Variants in INKA2 observed in about 807,000 individuals in gnomAD.
INKA2 encodes PAK4-inhibitor INKA2.
Under a neutral mutation model 9.8 loss-of-function variants are expected in INKA2, and 3 were observed. That is an observed-to-expected ratio of 0.31 (90% CI 0.14 to 0.79). The LOEUF is 0.79. INKA2 is among the 30% of genes least tolerant of loss of function. INKA2 has a pLI of 0.62. For missense variants in INKA2, 392 were observed against 384.4 expected (o/e 1.02, Z -0.17); for synonymous variants, 147 against 143.3 (o/e 1.03, Z -0.18).
chr1:111,755,480 GTTGGGGAA>G, intron 1 of INKA2: 1 of 576,114 alleles, frequency 1.7e-6, no homozygotes, highest in East Asian at 3.1e-5. Context: ...AGCGGGTAGC[GTTGGGGAA>G]GAGGTGGCCG....
intron 1 of INKA2, among the ~76,000 whole-genome samples, chr1:111,730,693 G>A (rs1171383422): frequency 6.6e-6 from 1 of 152,102 alleles, no homozygotes; most frequent in Non-Finnish European, 1.5e-5. Flanking sequence ...CTGTAGTCCT[G>A]CCACTTATGC....
At chr1:111,749,217 T>C (rs944988332) in intron 1 of INKA2, among the ~76,000 whole-genome samples, 1 of 152,128 alleles carries the variant, frequency 6.6e-6, no homozygotes, top group Admixed American at 6.5e-5. Flanking sequence ...ACCACGAGCA[T>C]TTATTTCCAG....
upstream of INKA2, among the ~76,000 whole-genome samples, chr1:111,743,505 G>T (rs1663190140): frequency 6.6e-6 from 1 of 152,164 alleles, no homozygotes; most frequent in Admixed American, 6.5e-5. Flanking sequence ...CTATCAATGA[G>T]CTCAAATGAA....
At chr1:111,738,134 C>A (rs908222976) in intron 1 of INKA2, among the ~76,000 whole-genome samples, 20 of 152,046 alleles carry the variant, frequency 1.3e-4, no homozygotes, top group Non-Finnish European at 8.8e-5. Flanking sequence ...TGAGAAGAGT[C>A]GACTCCAAGA....
chr1:111,734,124 G>A (rs938563714), intron 1 of INKA2, among the ~76,000 whole-genome samples: 6 of 152,222 alleles, frequency 3.9e-5, no homozygotes, highest in South Asian at 2.1e-4. Flanking sequence ...AAGGTAAAGC[G>A]GAAACTGTGC....
rs1663086307 is a variant in INKA2, at chr1:111,739,304, G to C, written c.-62C>G. On this transcript the variant is annotated 5_prime_UTR_variant, in exon 1 of 2. Coordinates refer to ENST00000357260, the MANE Select transcript of INKA2 (RefSeq NM_019099.5). ...CCCGGGTGAAACCCCGGCCCCACTG[G>C]AAACTGCGCTCCGGGCCGGCTCCCC... is the stretch of plus-strand genomic sequence containing the variant. The C allele has an allele frequency of 6.2e-7, 1 of 1,605,830 alleles. No individual in the cohort carries two copies.
At chr1:111,727,942 G>T in intron 1 of INKA2, 138 bp from the exon 2 acceptor site, 1 of 783,654 alleles carries the variant, frequency 1.3e-6, no homozygotes, top group African/African-American at 1.7e-5. Flanking sequence ...TCTCTCTATA[G>T]CCTAGTGCAG....
At chr1:111,742,970 G>C (rs1663178898), upstream of INKA2, among the ~76,000 whole-genome samples, 1 of 152,226 alleles carries the variant, frequency 6.6e-6, no homozygotes, top group South Asian at 2.1e-4. Flanking sequence ...TGCTGAAGAG[G>C]TAACTCTCAT....
chr1:111,726,894 C>A lies in INKA2; in HGVS notation c.*74G>T. Reference sequence around the variant, plus strand: ...GGGCTTTCGAGAGCCATACCGCCCACCCTCCCTCCTCCCCAGGGGCCCAGC... The same window carrying A: ...GGGCTTTCGAGAGCCATACCGCCCAACCTCCCTCCTCCCCAGGGGCCCAGC... On this transcript the variant is annotated 3_prime_UTR_variant, in exon 2 of 2. Transcript: ENST00000357260. 6.9e-7 allele frequency: 1 copy of A among 1,444,332 alleles called. No homozygotes were observed. Among genetic ancestry groups the A allele is most frequent in the Non-Finnish European group, 9.4e-7 (1 of 1,058,866 alleles). 89.5% of individuals were successfully genotyped at this position (1,444,332 alleles called of 1,614,324 possible).
At chr1:111,748,880 C>T (rs1296762327) in intron 1 of INKA2, among the ~76,000 whole-genome samples, 1 of 152,246 alleles carries the variant, frequency 6.6e-6, no homozygotes, top group African/African-American at 2.4e-5. Flanking sequence ...TTCCCTTTCA[C>T]TCCCTGGAGG....
rs191231825 is a variant in INKA2, at chr1:111,736,814, G to C, written c.57+2372C>G. Among the ~76,000 whole-genome samples the C allele has an allele frequency of 9.6e-4, 146 of 152,336 alleles. 2 individuals carry two copies. The highest frequency in any genetic ancestry group is 3.4e-3 in the African/African-American group (140 of 41,580). Reference sequence around the variant, plus strand: ...CAACACACTTCTATCCCAGCCACAAGCAAGCTGCACTGAATTCAGTCCCTA... The same window carrying C: ...CAACACACTTCTATCCCAGCCACAACCAAGCTGCACTGAATTCAGTCCCTA... On this transcript the variant is annotated intron_variant, in intron 1 of 1. Coordinates refer to ENST00000357260, the MANE Select transcript of INKA2 (RefSeq NM_019099.5).
chr1:111,743,322 CTCAGAAGGTACGTA>C (rs1192157878), upstream of INKA2, among the ~76,000 whole-genome samples: 2 of 152,302 alleles, frequency 1.3e-5, no homozygotes, highest in Middle Eastern at 3.4e-3. Flanking sequence ...GGGTGGAACC[CTCAGAAGGTACGTA>C]GCCATTTGCC....
At chr1:111,749,332 G>C (rs531876549) in intron 1 of INKA2, among the ~76,000 whole-genome samples, 85 of 152,296 alleles carry the variant, frequency 5.6e-4, no homozygotes, top group African/African-American at 2.0e-3. Context: ...TCTTGGTGTG[G>C]AAGCTGCAGT....
chr1:111,750,201 G>T lies in INKA2; in HGVS notation n.124+5500C>A, dbSNP rs543575732. 2.0e-5 allele frequency among the ~76,000 whole-genome samples: 3 copies of T among 152,334 alleles called. No individual in the cohort carries two copies. In the East Asian group the frequency reaches 5.8e-4, roughly 29 times the overall value. ...GAAGCCTGAGGGAGGATCACCTGGGGTTCTCTTCCAAAGCCAGTCAGGCAA... is the reference window on the plus strand; with the variant it reads ...GAAGCCTGAGGGAGGATCACCTGGGTTTCTCTTCCAAAGCCAGTCAGGCAA... On this transcript the variant is annotated intron_variant and non_coding_transcript_variant, in intron 1 of 1. Coordinates refer to the INKA2 transcript ENST00000444059.
chr1:111,725,892 C>A lies in INKA2; in HGVS notation c.*1076G>T. ...GGTTTACAGGCGTGTGCCACCACGC[C>A]TGGCTAATTTTTACGTATTTTTTTA... On this transcript the variant is annotated 3_prime_UTR_variant, in exon 2 of 2. Coordinates refer to ENST00000357260, the MANE Select transcript of INKA2 (RefSeq NM_019099.5). 1 of 351,200 alleles carries A rather than the reference C, an allele frequency of 2.8e-6. No individual in the cohort carries two copies. The highest frequency in any genetic ancestry group is 5.1e-6 in the Non-Finnish European group (1 of 196,542). 21.8% of individuals were successfully genotyped at this position (351,200 alleles called of 1,614,324 possible). A position where few individuals can be genotyped will look rare whatever the true frequency, so the allele number is the denominator to read the frequency against.
At chr1:111,737,162 A>G (rs1447110964) in intron 1 of INKA2, among the ~76,000 whole-genome samples, 2 of 152,166 alleles carry the variant, frequency 1.3e-5, no homozygotes, top group Non-Finnish European at 2.9e-5. Flanking sequence ...CTGCTCAGAC[A>G]AAGGGCCAAA....
Position 111,723,533 on chromosome 1 carries a change from A to C in INKA2, c.*3435T>G. 1 of 153,376 alleles carries C rather than the reference A, an allele frequency of 6.5e-6. No homozygotes were observed. Among genetic ancestry groups the C allele is most frequent in the Non-Finnish European group, 1.4e-5 (1 of 70,340 alleles). 9.5% of individuals were successfully genotyped at this position (153,376 alleles called of 1,614,324 possible). A position where few individuals can be genotyped will look rare whatever the true frequency, so the allele number is the denominator to read the frequency against. On this transcript the variant is annotated 3_prime_UTR_variant, in exon 2 of 2. Transcript: ENST00000357260. ...CAATCAGGTGGCCCTTGTACCTGCC[A>C]GGGAAGTGGGGCAGGGTGGGGTGGG...
chr1:111,729,502 G>A (rs1662858977), intron 1 of INKA2, among the ~76,000 whole-genome samples: 3 of 152,192 alleles, frequency 2.0e-5, no homozygotes, highest in African/African-American at 7.2e-5. Context: ...GGCCTAATTT[G>A]GAGGCTGCAG....
exon 1 of INKA2, chr1:111,755,795 CCTTT>C (rs2101410610): frequency 6.2e-7 from 1 of 1,609,432 alleles, no homozygotes; most frequent in South Asian, 1.1e-5. Flanking sequence ...GACTCCCGTC[CCTTT>C]CTTCCACTTC....
Sources: allele counts gnomAD v4.1 joint callset (sites outside exome capture counted in the v4.1 genomes callset), GRCh38; gene constraint gnomAD v4.1.1; transcripts MANE v1.5; gene names NCBI Gene and HGNC (gene_info 2026-07-23, HGNC 2026-07-21).